The following RSPO2 variants were observed in gnomAD, a reference collection of about 807,000 sequenced individuals.
RSPO2 encodes the protein R-spondin-2.
RSPO2 carries 14 observed loss-of-function variants against 30.9 expected under a neutral mutation model. The ratio of observed to expected loss-of-function variants is 0.45; its 90% CI spans 0.30 to 0.71. RSPO2 has a LOEUF of 0.71. RSPO2 is among the 30% of genes least tolerant of loss of function. RSPO2 has a pLI of 0.08. For missense variants in RSPO2, 264 were observed against 301.9 expected, an observed-to-expected ratio of 0.87 and a Z score of 0.93; for synonymous variants, 107 against 96.4, an observed-to-expected ratio of 1.11 and a Z score of -0.64.
chr8:108,061,441 C>T (rs7840755), intron 2 of RSPO2, among the ~76,000 whole-genome samples: 3 of 151,390 alleles, frequency 2.0e-5, no homozygotes, highest in Non-Finnish European at 4.4e-5. Context: ...ACAAAGAAGG[C>T]CATTACATCA....
intron 3 of RSPO2, chr8:107,983,060 C>T (rs1433373448): frequency 2.2e-5 from 27 of 1,243,214 alleles, no homozygotes; most frequent in Non-Finnish European, 3.0e-5. Context: ...GCAGTCCCCT[C>T]CATGTTCCCT....
At chr8:107,956,722 G>A (rs1266454612) in intron 5 of RSPO2, among the ~76,000 whole-genome samples, 1 of 152,102 alleles carries the variant, frequency 6.6e-6, no homozygotes, top group Non-Finnish European at 1.5e-5. Flanking sequence ...GAAGAGGAAT[G>A]GGGGAGGGGC....
intron 2 of RSPO2, among the ~76,000 whole-genome samples, chr8:108,049,589 C>A (rs954461646): frequency 6.6e-6 from 1 of 151,502 alleles, no homozygotes; most frequent in Admixed American, 6.6e-5. Flanking sequence ...ATGTGATGTT[C>A]CCCCCTTCCT....
In RSPO2 at chr8:107,978,143, C is replaced by A. The variant is rs1218972726; in HGVS notation, c.283+10913G>T. Among the ~76,000 whole-genome samples, 3 of 152,026 alleles carry A rather than the reference C, an allele frequency of 2.0e-5. No individual in the cohort carries two copies. The East Asian group carries it at 5.8e-4, about 29-fold the overall frequency. Reference sequence around the variant, plus strand: ...TTTATACAATTCTTAAAAGCAGAAACCTGGCTGGGCATGGTAGCACATGCC... The same window carrying A: ...TTTATACAATTCTTAAAAGCAGAAAACTGGCTGGGCATGGTAGCACATGCC... On this transcript the variant is annotated intron_variant, in intron 3 of 5. Coordinates refer to ENST00000276659, the MANE Select transcript of RSPO2 (RefSeq NM_178565.5).
At chr8:107,924,218 A>C (rs1812281843) in intron 5 of RSPO2, among the ~76,000 whole-genome samples, 1 of 152,084 alleles carries the variant, frequency 6.6e-6, no homozygotes, top group South Asian at 2.1e-4. Flanking sequence ...AAAGTAGGAA[A>C]TCGGCCACAG....
chr8:108,046,008 A>G (rs1188090166), intron 2 of RSPO2, among the ~76,000 whole-genome samples: 4 of 152,182 alleles, frequency 2.6e-5, no homozygotes, highest in Non-Finnish European at 4.4e-5. Flanking sequence ...AATATTCAAT[A>G]AAACATGAGA....
chr8:108,057,390 T>C (rs1812289865), intron 2 of RSPO2, among the ~76,000 whole-genome samples: 1 of 152,164 alleles, frequency 6.6e-6, no homozygotes, highest in South Asian at 2.1e-4. Context: ...TTCATAGTGT[T>C]GTTCTCTATT....
chr8:107,931,433 G>A (rs939904369), intron 5 of RSPO2, among the ~76,000 whole-genome samples: 2 of 152,014 alleles, frequency 1.3e-5, no homozygotes, highest in African/African-American at 4.8e-5. Context: ...ACACATGATT[G>A]TTATCACTAC....
intron 5 of RSPO2, among the ~76,000 whole-genome samples, chr8:107,927,809 T>C (rs182523293): frequency 1.2e-4 from 18 of 149,938 alleles, no homozygotes; most frequent in Non-Finnish European, 2.2e-4. Flanking sequence ...CAGTATTTTA[T>C]TGAGGATTTT....
intron 2 of RSPO2, among the ~76,000 whole-genome samples, chr8:108,061,994 A>T (rs1404804016): frequency 2.6e-5 from 4 of 152,052 alleles, no homozygotes; most frequent in Admixed American, 6.5e-5. Context: ...CAATGAGAAC[A>T]AAGACACAAC....
intron 3 of RSPO2, among the ~76,000 whole-genome samples, chr8:107,977,021 A>G (rs1253465723): frequency 6.6e-6 from 1 of 152,196 alleles, no homozygotes; most frequent in African/African-American, 2.4e-5. Flanking sequence ...GGAGGCAGAG[A>G]AAAAAGTTAG....
chr8:107,921,231 T>G (rs1313462058), intron 5 of RSPO2, among the ~76,000 whole-genome samples: 2 of 151,576 alleles, frequency 1.3e-5, no homozygotes, highest in Non-Finnish European at 2.9e-5. Context: ...AAATAAGTTT[T>G]GAAAAATTTC....
intron 3 of RSPO2, among the ~76,000 whole-genome samples, chr8:107,986,455 C>G (rs542371392): frequency 1.3e-5 from 2 of 152,284 alleles, no homozygotes; most frequent in African/African-American, 2.4e-5. Flanking sequence ...AGTCACTGCT[C>G]TCCTTTCCAT....
intron 2 of RSPO2, among the ~76,000 whole-genome samples, chr8:108,007,510 T>A (rs1815490923): frequency 6.6e-6 from 1 of 152,150 alleles, no homozygotes; most frequent in South Asian, 2.1e-4. Flanking sequence ...ACAAACTGCC[T>A]TACACGCCTG....
chr8:107,983,349 C>T (rs1166315928), intron 3 of RSPO2: 3 of 1,609,844 alleles, frequency 1.9e-6, no homozygotes, highest in Middle Eastern at 2.3e-4. Flanking sequence ...GGAAAAGGGC[C>T]CAGGGTGAAG....
chr8:108,035,766 C>T (rs1811578336), intron 2 of RSPO2, among the ~76,000 whole-genome samples: 1 of 152,118 alleles, frequency 6.6e-6, no homozygotes, highest in African/African-American at 2.4e-5. Flanking sequence ...CTCACCAGTT[C>T]TTAAATTTTT....
chr8:107,944,991 G>C (rs1368727978), intron 5 of RSPO2, among the ~76,000 whole-genome samples: 2 of 152,028 alleles, frequency 1.3e-5, no homozygotes, highest in Non-Finnish European at 2.9e-5. Flanking sequence ...TCTAGGCCTA[G>C]AGTTTCCTTC....
At chr8:108,009,034 T>C (rs750394235) in intron 2 of RSPO2, among the ~76,000 whole-genome samples, 2 of 152,160 alleles carry the variant, frequency 1.3e-5, no homozygotes, top group South Asian at 2.1e-4. Context: ...AATCTCATTA[T>C]TGACAAAATG....
chr8:107,932,910 A>C (rs1365056436), intron 5 of RSPO2, among the ~76,000 whole-genome samples: 2 of 152,158 alleles, frequency 1.3e-5, no homozygotes, highest in Non-Finnish European at 2.9e-5. Flanking sequence ...CCTTATGCTA[A>C]ATCTGCATTG....
Sources: gnomAD v4.1 joint callset for allele counts (sites outside exome capture counted in the v4.1 genomes callset) on GRCh38, gnomAD v4.1.1 for gene constraint, MANE v1.5 for transcripts, NCBI Gene and HGNC (gene_info 2026-07-23, HGNC 2026-07-21) for gene names.